Variants in BRPF3 observed in about 807,000 individuals in gnomAD.
The protein encoded by BRPF3 is bromodomain and PHD finger-containing protein 3.
Under a neutral mutation model 102.0 loss-of-function variants are expected in BRPF3, and 18 were observed. The ratio of observed to expected loss-of-function variants is 0.18; its 90% CI spans 0.12 to 0.26. BRPF3 has a LOEUF of 0.26. Ranked by LOEUF, BRPF3 falls within the 10% of genes least tolerant of loss-of-function variation. The probability of loss-of-function intolerance (pLI) is 1.00; values close to 1 mark genes in which losing one functional copy is unlikely to be tolerated. For synonymous variants in BRPF3, 570 were observed against 614.2 expected, an observed-to-expected ratio of 0.93 and a Z score of 1.06; for missense variants, 1,147 against 1,567.8, an observed-to-expected ratio of 0.73 and a Z score of 4.53.
At chr6:36,197,857 A>C (rs1767560866) in intron 1 of BRPF3, among the ~76,000 whole-genome samples, 2 of 152,084 alleles carry the variant, frequency 1.3e-5, no homozygotes, top group Admixed American at 1.3e-4. Flanking sequence ...GGGACAAAAC[A>C]CGTCTGTGTA....
In BRPF3 at chr6:36,201,857, G is replaced by A. The variant is rs748353632; in HGVS notation, c.1448+87G>A. 1 of 1,500,306 alleles carries A rather than the reference G, an allele frequency of 6.7e-7. No homozygotes were observed. Among genetic ancestry groups the A allele is most frequent in the South Asian group, 1.4e-5 (1 of 73,710 alleles). The allele number at this position is 1,500,306 out of a possible 1,614,324, so 92.9% of individuals were successfully genotyped here. A position where few individuals can be genotyped will look rare whatever the true frequency, so the allele number is the denominator to read the frequency against. On this transcript the variant is annotated intron_variant, in intron 2 of 12. Transcript: ENST00000357641. The surrounding 1 kb of genome is among the most constrained non-coding windows in gnomAD (Gnocchi z 5.1). ...CTGTGCCAGGCCTTCGCTAAACACA[G>A]TTGGACACTATATCCTCCTCCCCGA...
At chr6:36,197,961 A>G (rs1048525104) in intron 1 of BRPF3, among the ~76,000 whole-genome samples, 11 of 151,948 alleles carry the variant, frequency 7.2e-5, no homozygotes, top group Middle Eastern at 3.4e-3. Flanking sequence ...TGGGCGCCGC[A>G]CCGCCTGTCT....
At position 36,214,303 on chromosome 6, in the gene BRPF3, A is replaced by G; in HGVS notation, c.2906A>G (p.Glu969Gly). The stretch of plus-strand genomic sequence containing the variant: ...GCCTCTCCAGCCAGCATCGAGGAAG[A>G]GCGCCACTCCCGGAAGCGGCCAAGG... ...SPASPASIEEERHSRKRPRSR... is the reference protein window; with the variant it reads ...SPASPASIEEGRHSRKRPRSR... The change falls in exon 8 of 13, where the codon GAG becomes GGG. Residue 969 changes from glutamate (E) to glycine (G), a missense_variant. Coordinates refer to ENST00000357641, the MANE Select transcript of BRPF3 (RefSeq NM_015695.3). 1.9e-6 allele frequency: 3 copies of G among 1,613,978 alleles called. No homozygotes were observed. The highest frequency in any genetic ancestry group is 2.5e-6 in the Non-Finnish European group (3 of 1,180,030).
In BRPF3 at chr6:36,209,780, C is replaced by T; in HGVS notation, c.1738-7C>T. Reference sequence around the variant, plus strand: ...TCTGATCTGATCTCACCCCACCTTCCCCACAGGTCAAAGTCCAGCAGGCTG... The same window carrying T: ...TCTGATCTGATCTCACCCCACCTTCTCCACAGGTCAAAGTCCAGCAGGCTG... On this transcript the variant is annotated splice_region_variant and splice_polypyrimidine_tract_variant and intron_variant, in intron 4 of 12. Coordinates refer to ENST00000357641, the MANE Select transcript of BRPF3 (RefSeq NM_015695.3). The T allele has an allele frequency of 6.2e-7, 1 of 1,613,506 alleles. No individual in the cohort carries two copies. The highest frequency in any genetic ancestry group is 1.3e-5 in the African/African-American group (1 of 75,010).
intron 8 of BRPF3, among the ~76,000 whole-genome samples, chr6:36,214,898 G>A (rs1261170801): frequency 6.6e-6 from 1 of 152,160 alleles, no homozygotes; most frequent in Non-Finnish European, 1.5e-5. Flanking sequence ...TTTGAGTAAA[G>A]ATCTGAAGGA....
intron 7 of BRPF3, among the ~76,000 whole-genome samples, chr6:36,212,244 TCTC>T (rs770869965): frequency 3.9e-5 from 6 of 152,148 alleles, no homozygotes; most frequent in Non-Finnish European, 7.4e-5. Context: ...TTCTCATTCT[TCTC>T]CTTCACTGGG....
chr6:36,211,587 G>T (rs767519561), intron 7 of BRPF3, 27 bp downstream of exon 7: 1 of 1,545,356 alleles, frequency 6.5e-7, no homozygotes, highest in South Asian at 1.2e-5. Context: ...GGCAGGCAGG[G>T]GGTTGGAGGG....
At chr6:36,203,714 A>G (rs1489322320) in intron 2 of BRPF3, among the ~76,000 whole-genome samples, 1 of 152,186 alleles carries the variant, frequency 6.6e-6, no homozygotes, top group East Asian at 1.9e-4. Flanking sequence ...TGAAGAGAAA[A>G]AGGAGAGGAA....
Position 36,232,681 on chromosome 6 carries a change from CAG to C in BRPF3, c.*2076_*2077del, listed in dbSNP as rs950007041. 5.7e-4 allele frequency: 87 copies of C among 152,716 alleles called. No homozygotes were observed. The highest frequency in any genetic ancestry group is 1.9e-3 in the African/African-American group (78 of 41,558). The allele number at this position is 152,716 out of a possible 1,614,324, so 9.5% of individuals were successfully genotyped here. A position where few individuals can be genotyped will look rare whatever the true frequency, so the allele number is the denominator to read the frequency against. On this transcript the variant is annotated 3_prime_UTR_variant, in exon 13 of 13. Transcript: ENST00000357641. Reference sequence around the variant, plus strand: ...CAGATGGTATAAGAGAGGTAATAAACAGAGAAAAATCTATGCTTGTAAAGAAT... The same window carrying C: ...CAGATGGTATAAGAGAGGTAATAAACAGAAAAATCTATGCTTGTAAAGAAT...
At chr6:36,198,399 A>G (rs1444378530) in intron 1 of BRPF3, among the ~76,000 whole-genome samples, 3 of 152,118 alleles carry the variant, frequency 2.0e-5, no homozygotes, top group Non-Finnish European at 4.4e-5. Context: ...CAAGATTAGA[A>G]CCTAGATTGC....
chr6:36,210,581 C>T lies in BRPF3; in HGVS notation c.2179+53C>T. ...GAGGGGCCAGGAGGAGGCACAGGAA[C>T]AGAGTCTACAGAGTGAGGGATCAGG... On this transcript the variant is annotated intron_variant, in intron 6 of 12. Coordinates refer to ENST00000357641, the MANE Select transcript of BRPF3 (RefSeq NM_015695.3). This position sits in a 1 kb window ranked among gnomAD's most constrained non-coding sequence, Gnocchi z 4.7. The T allele has an allele frequency of 1.3e-6, 2 of 1,492,450 alleles. No homozygotes were observed. Among genetic ancestry groups the T allele is most frequent in the African/African-American group, 1.4e-5 (1 of 71,716 alleles). 92.5% of individuals were successfully genotyped at this position (1,492,450 alleles called of 1,614,324 possible). A position where few individuals can be genotyped will look rare whatever the true frequency, so the allele number is the denominator to read the frequency against.
intron 8 of BRPF3, among the ~76,000 whole-genome samples, chr6:36,216,989 T>A (rs1246838804): frequency 6.6e-6 from 1 of 152,108 alleles, no homozygotes; most frequent in Non-Finnish European, 1.5e-5. Flanking sequence ...CAGTGAACCT[T>A]GTTTACACCA....
intron 7 of BRPF3, among the ~76,000 whole-genome samples, chr6:36,212,530 G>A (rs984924356): frequency 1.3e-4 from 19 of 150,294 alleles, no homozygotes; most frequent in African/African-American, 4.4e-4. Flanking sequence ...CTGGGGCTGT[G>A]GCAGTACAGA....
At position 36,220,261 on chromosome 6, in the gene BRPF3, A is replaced by G. The variant is rs563655429; in HGVS notation, c.3084-1907A>G. Reference sequence around the variant, plus strand: ...CTCAGAGCTCATCATTCTATAGTACAGTATTAGCAGTTTGTAATACTTTAA... The same window carrying G: ...CTCAGAGCTCATCATTCTATAGTACGGTATTAGCAGTTTGTAATACTTTAA... On this transcript the variant is annotated intron_variant, in intron 9 of 12. Transcript: ENST00000357641. Among the ~76,000 whole-genome samples, 4 of 152,336 alleles carry G rather than the reference A, an allele frequency of 2.6e-5. No individual in the cohort carries two copies. In the South Asian group the frequency reaches 8.3e-4, roughly 32 times the overall value.
chr6:36,214,037 T>C lies in BRPF3; in HGVS notation c.2640T>C (p.Asp880=), dbSNP rs1400067963. The C allele has an allele frequency of 1.2e-6, 2 of 1,613,892 alleles. No individual in the cohort carries two copies. Among genetic ancestry groups the C allele is most frequent in the Non-Finnish European group, 1.7e-6 (2 of 1,179,974 alleles). The part of the protein sequence containing the change: ...RFLKPRKVEE[D]ELLEKSPLQL... ...TAAAGCCCAGAAAGGTGGAAGAAGA[T>C]GAGCTCTTGGAAAAATCACCACTGC... is the stretch of plus-strand genomic sequence containing the variant. Residue 880 remains aspartate (D), a synonymous_variant, in exon 8 of 13, where the codon GAT becomes GAC. Transcript: ENST00000357641.
In BRPF3 at chr6:36,201,857, G is replaced by T; in HGVS notation, c.1448+87G>T. On this transcript the variant is annotated intron_variant, in intron 2 of 12. Coordinates refer to ENST00000357641, the MANE Select transcript of BRPF3 (RefSeq NM_015695.3). The surrounding 1 kb of genome is among the most constrained non-coding windows in gnomAD (Gnocchi z 5.1). ...CTGTGCCAGGCCTTCGCTAAACACA[G>T]TTGGACACTATATCCTCCTCCCCGA... 2 of 1,500,304 alleles carry T rather than the reference G, an allele frequency of 1.3e-6. No individual in the cohort carries two copies. The highest frequency in any genetic ancestry group is 1.8e-6 in the Non-Finnish European group (2 of 1,120,932). 92.9% of individuals were successfully genotyped at this position (1,500,304 alleles called of 1,614,324 possible). A position where few individuals can be genotyped will look rare whatever the true frequency, so the allele number is the denominator to read the frequency against.
At position 36,213,935 on chromosome 6, in the gene BRPF3, C is replaced by G; in HGVS notation, c.2538C>G (p.Ser846=). ...TGGAGCCCACTGGGCCTGCACCTTC[C>G]TTGTCTGAGCAAGAATCCCCCCCGG... ...PTLEPTGPAP[S]LSEQESPPEP... The change falls in exon 8 of 13, where the codon TCC becomes TCG. Residue 846 remains serine, a synonymous_variant. Transcript: ENST00000357641. 6.2e-7 allele frequency: 1 copy of G among 1,614,052 alleles called. No individual in the cohort carries two copies.
Position 36,201,865 on chromosome 6 carries a change from CTA to C in BRPF3, c.1448+99_1448+100del. 1 of 1,472,326 alleles carries C rather than the reference CTA, an allele frequency of 6.8e-7. No homozygotes were observed. The highest frequency in any genetic ancestry group is 1.4e-5 in the African/African-American group (1 of 70,920). The allele number at this position is 1,472,326 out of a possible 1,614,324, so 91.2% of individuals were successfully genotyped here. ...GGCCTTCGCTAAACACAGTTGGACA[CTA>C]TATCCTCCTCCCCGAATTTAAACTC... On this transcript the variant is annotated intron_variant, in intron 2 of 12. Coordinates refer to ENST00000357641, the MANE Select transcript of BRPF3 (RefSeq NM_015695.3). This position sits in a 1 kb window ranked among gnomAD's most constrained non-coding sequence, Gnocchi z 5.1.
Position 36,201,280 on chromosome 6 carries a change from C to T in BRPF3, c.958C>T (p.Arg320Cys), listed in dbSNP as rs1447952033. 8 of 1,614,018 alleles carry T rather than the reference C, an allele frequency of 5.0e-6. No individual in the cohort carries two copies. The highest frequency in any genetic ancestry group is 2.2e-5 in the South Asian group (2 of 91,076). The change falls in exon 2 of 13, where the codon CGC becomes TGC. Residue 320 changes from arginine to cysteine, a missense_variant. Physicochemically the swap from Arg to Cys is radical, Grantham distance 180. This residue lies in a region of BRPF3 where 44 missense variants were observed against 101.4 expected (regional missense o/e 0.43). Coordinates refer to ENST00000357641, the MANE Select transcript of BRPF3 (RefSeq NM_015695.3). The surrounding 1 kb of genome is among the most constrained non-coding windows in gnomAD (Gnocchi z 5.1). Reference protein sequence around the residue: ...IEGIDNIPPARWKLTCYICKQ... With the variant: ...IEGIDNIPPACWKLTCYICKQ... ...GGGCATTGACAATATCCCGCCTGCCCGCTGGAAACTAACCTGCTATATCTG... is the reference window on the plus strand; with the variant it reads ...GGGCATTGACAATATCCCGCCTGCCTGCTGGAAACTAACCTGCTATATCTG...
Sources: allele counts gnomAD v4.1 joint callset (sites outside exome capture counted in the v4.1 genomes callset), GRCh38; gene constraint gnomAD v4.1.1; regional missense constraint gnomAD v4.1.1; non-coding constraint Gnocchi (gnomAD v3.1); transcripts MANE v1.5; gene names NCBI Gene and HGNC (gene_info 2026-07-23, HGNC 2026-07-21).